Variants in CACNA2D3 observed in about 807,000 individuals in gnomAD.
CACNA2D3 encodes the protein calcium voltage-gated channel auxiliary subunit alpha2delta 3, also known as voltage-dependent calcium channel subunit alpha-2/delta-3.
A neutral mutation model predicts 160.6 loss-of-function variants in CACNA2D3; 60 were observed. That is an observed-to-expected ratio of 0.37 (90% CI 0.30 to 0.46). The LOEUF (loss-of-function observed/expected upper bound fraction) is 0.46. CACNA2D3 is among the 20% of genes least tolerant of loss of function. The probability of loss-of-function intolerance (pLI) is 1.00; values close to 1 mark genes in which losing one functional copy is unlikely to be tolerated. For synonymous variants in CACNA2D3, 558 were observed against 492.9 expected (o/e 1.13, Z -1.75); for missense variants, 1,205 against 1,365.0 (o/e 0.88, Z 1.85).
At chr3:54,173,472 C>G (rs773169355) in intron 2 of CACNA2D3, among the ~76,000 whole-genome samples, 2 of 152,190 alleles carry the variant, frequency 1.3e-5, no homozygotes, top group Non-Finnish European at 2.9e-5. Context: ...TGAGTTACCA[C>G]AAGGCTGCTT....
intron 2 of CACNA2D3, among the ~76,000 whole-genome samples, chr3:54,296,223 G>A (rs1367563642): frequency 6.6e-6 from 1 of 152,224 alleles, no homozygotes; most frequent in Non-Finnish European, 1.5e-5. Context: ...ATGGTTAGAG[G>A]TCAGTAGATT....
intron 3 of CACNA2D3, among the ~76,000 whole-genome samples, chr3:54,350,992 T>TTTTTTTTTTTTTTTG (rs1559457863): frequency 2.5e-4 from 28 of 110,974 alleles, no homozygotes; most frequent in African/African-American, 3.5e-4. Flanking sequence ...GTTTGTTTTT[T>TTTTTTTTTTTTTTTG]TTTTTTTTTT....
intron 2 of CACNA2D3, among the ~76,000 whole-genome samples, chr3:54,207,422 C>T (rs979633414): frequency 6.9e-6 from 1 of 144,506 alleles, no homozygotes; most frequent in Non-Finnish European, 1.5e-5. Flanking sequence ...CCACTGTAAT[C>T]CGGGTGGATA....
chr3:54,639,343 C>T (rs925738444), intron 10 of CACNA2D3: 19 of 152,212 alleles, frequency 1.2e-4, no homozygotes, highest in African/African-American at 4.6e-4. Context: ...AGGCAGGCAT[C>T]CCTGCGTGGT....
intron 5 of CACNA2D3, among the ~76,000 whole-genome samples, chr3:54,541,294 A>G (rs991697074): frequency 1.2e-4 from 18 of 149,332 alleles, no homozygotes; most frequent in African/African-American, 3.4e-4. Context: ...AAAAAAAAAA[A>G]AAAAAAAGAA....
At chr3:54,406,654 C>G (rs921759724) in intron 4 of CACNA2D3, among the ~76,000 whole-genome samples, 1 of 151,618 alleles carries the variant, frequency 6.6e-6, no homozygotes, top group Non-Finnish European at 1.5e-5. Context: ...CATTCATTAC[C>G]AGGTTCACGG....
intron 11 of CACNA2D3, among the ~76,000 whole-genome samples, chr3:54,644,803 A>C (rs1406517198): frequency 6.6e-6 from 1 of 152,188 alleles, no homozygotes. Flanking sequence ...AGTGCTGCGG[A>C]GGCTGCTGGT....
intron 27 of CACNA2D3, among the ~76,000 whole-genome samples, chr3:54,952,300 C>G (rs1396300957): frequency 6.6e-6 from 1 of 152,196 alleles, no homozygotes; most frequent in African/African-American, 2.4e-5. Context: ...CCCCCCAGGG[C>G]TCTGATCTCT....
chr3:54,846,465 C>T lies in CACNA2D3; in HGVS notation c.1624C>T (p.Leu542=). ...YILTHPELRL[L]YEEGKKRRKP... ...CCTGACGCATCCGGAACTCAGGCTG[C>T]TGGTAAGAGAAATTATGTACTTCTG... Residue 542 remains leucine, a splice_region_variant and synonymous_variant, in exon 17 of 38, where the codon CTG becomes TTG. Transcript: ENST00000474759. 6.3e-7 allele frequency: 1 copy of T among 1,584,088 alleles called. No individual in the cohort carries two copies. Among genetic ancestry groups the T allele is most frequent in the Admixed American group, 1.7e-5 (1 of 57,726 alleles).
intron 2 of CACNA2D3, among the ~76,000 whole-genome samples, chr3:54,204,374 CG>C (rs34038334): frequency 0.33 from 49,657 of 151,700 alleles, 9,952 homozygotes; most frequent in African/African-American, 0.57. Flanking sequence ...TTCTGTTTTC[CG>C]GAGAACCTTG....
At chr3:54,247,049 C>G (rs753238935) in intron 2 of CACNA2D3, among the ~76,000 whole-genome samples, 1 of 152,052 alleles carries the variant, frequency 6.6e-6, no homozygotes, top group Non-Finnish European at 1.5e-5. Flanking sequence ...TGGTGGTTCA[C>G]GCCTGTAGTC....
chr3:54,733,449 A>G (rs931641586), intron 11 of CACNA2D3, among the ~76,000 whole-genome samples: 4 of 152,232 alleles, frequency 2.6e-5, no homozygotes. Context: ...AATTTGCCCT[A>G]TCCCAAAGGG....
chr3:54,883,222 C>T (rs138990087), intron 21 of CACNA2D3, among the ~76,000 whole-genome samples: 1 of 152,224 alleles, frequency 6.6e-6, no homozygotes, highest in East Asian at 1.9e-4. Context: ...CAGGGTTTCA[C>T]CATGTTGGTT....
chr3:54,689,719 C>CGA (rs901498267), intron 11 of CACNA2D3, among the ~76,000 whole-genome samples: 4 of 152,052 alleles, frequency 2.6e-5, no homozygotes, highest in African/African-American at 9.7e-5. Flanking sequence ...TATGCCGACT[C>CGA]TGACACACAC....
At chr3:54,170,553 C>T (rs1017984949) in intron 2 of CACNA2D3, among the ~76,000 whole-genome samples, 1 of 152,138 alleles carries the variant, frequency 6.6e-6, no homozygotes, top group South Asian at 2.1e-4. Flanking sequence ...TGCTGCTGTG[C>T]ACCTCCTCTG....
chr3:54,481,346 C>T (rs931300786), intron 4 of CACNA2D3, among the ~76,000 whole-genome samples: 9 of 152,292 alleles, frequency 5.9e-5, no homozygotes, highest in Admixed American at 5.9e-4. Flanking sequence ...GGGATGCCTT[C>T]AGGATTTCTT....
intron 2 of CACNA2D3, among the ~76,000 whole-genome samples, chr3:54,304,707 C>G (rs1469604776): frequency 6.6e-6 from 1 of 152,134 alleles, no homozygotes; most frequent in East Asian, 1.9e-4. Flanking sequence ...TTAGGGAGGT[C>G]AGGACATGGG....
chr3:54,214,032 T>G (rs1387996652), intron 2 of CACNA2D3, among the ~76,000 whole-genome samples: 1 of 152,162 alleles, frequency 6.6e-6, no homozygotes, highest in Non-Finnish European at 1.5e-5. Flanking sequence ...AATATGGGGA[T>G]GCAGGTATTT....
intron 11 of CACNA2D3, among the ~76,000 whole-genome samples, chr3:54,727,807 A>T (rs1272657729): frequency 2.6e-5 from 4 of 152,312 alleles, no homozygotes; most frequent in Non-Finnish European, 4.4e-5. Flanking sequence ...TACCTAATGT[A>T]GGTGACGGGT....
Sources: allele counts gnomAD v4.1 joint callset (sites outside exome capture counted in the v4.1 genomes callset), GRCh38; gene constraint gnomAD v4.1.1; transcripts MANE v1.5; gene names NCBI Gene and HGNC (gene_info 2026-07-23, HGNC 2026-07-21).